PTPRD: variants seen among roughly 807,000 people sequenced by gnomAD.
PTPRD encodes receptor-type tyrosine-protein phosphatase delta.
Under a neutral mutation model 214.5 loss-of-function variants are expected in PTPRD, and 34 were observed. That is an observed-to-expected ratio of 0.16 (90% confidence interval 0.12 to 0.21). PTPRD has a LOEUF of 0.21. PTPRD is among the 10% of genes least tolerant of loss of function. The pLI is 1.00. For synonymous variants in PTPRD, 1,128 were observed against 845.7 expected, an observed-to-expected ratio of 1.33 and a Z score of -5.79; for missense variants, 2,545 against 2,398.7, an observed-to-expected ratio of 1.06 and a Z score of -1.27.
At chr9:9,855,895 C>G (rs1212834514) in intron 5 of PTPRD, among the ~76,000 whole-genome samples, 1 of 152,208 alleles carries the variant, frequency 6.6e-6, no homozygotes, top group Non-Finnish European at 1.5e-5. Context: ...TCTGCCTTTT[C>G]ATGTGAGGCA....
At position 10,519,548 on chromosome 9, in the gene PTPRD, G is replaced by T. The variant is rs553497033; in HGVS notation, c.-600+92850C>A. ...AACTTCTTAGAGCTGAGTATAATGTGTCTTAGCACATAGAGGCATACCTCA... is the reference window on the plus strand; with the variant it reads ...AACTTCTTAGAGCTGAGTATAATGTTTCTTAGCACATAGAGGCATACCTCA... On this transcript the variant is annotated intron_variant, in intron 2 of 45. Transcript: ENST00000381196. 5.3e-5 allele frequency among the ~76,000 whole-genome samples: 8 copies of T among 151,930 alleles called. No individual in the cohort carries two copies. In the South Asian group the frequency reaches 1.7e-3, roughly 31 times the overall value.
chr9:8,604,358 T>C (rs1056360886), intron 14 of PTPRD, among the ~76,000 whole-genome samples: 1 of 152,102 alleles, frequency 6.6e-6, no homozygotes, highest in African/African-American at 2.4e-5. Flanking sequence ...CCAGTAAACA[T>C]TAACTGGATG....
chr9:9,228,380 C>T (rs1266709510), intron 9 of PTPRD, among the ~76,000 whole-genome samples: 1 of 151,934 alleles, frequency 6.6e-6, no homozygotes, highest in Non-Finnish European at 1.5e-5. Context: ...TATTAGATTG[C>T]AAATACACAT....
intron 5 of PTPRD, among the ~76,000 whole-genome samples, chr9:9,775,977 A>AAAAAAAAAC: frequency 1.3e-5 from 2 of 151,162 alleles, no homozygotes; most frequent in African/African-American, 2.4e-5. Context: ...AAAAAAAAAA[A>AAAAAAAAAC]AAGCAAATCC....
At chr9:10,268,598 G>C (rs1422057864) in intron 3 of PTPRD, among the ~76,000 whole-genome samples, 2 of 151,992 alleles carry the variant, frequency 1.3e-5, no homozygotes, top group Non-Finnish European at 2.9e-5. Context: ...TTCATCATAA[G>C]TTTGTATTTC....
chr9:9,037,965 T>C (rs324518), intron 10 of PTPRD, among the ~76,000 whole-genome samples: 148,720 of 152,272 alleles, frequency 0.98, 72,732 homozygotes, highest in Middle Eastern at 1. Flanking sequence ...TTTTTTGAAA[T>C]TTAGTTCATC....
intron 3 of PTPRD, among the ~76,000 whole-genome samples, chr9:10,088,631 G>T (rs75480633): frequency 2.2e-4 from 34 of 151,716 alleles, no homozygotes; most frequent in African/African-American, 7.7e-4. Context: ...TCTGCAATGT[G>T]GGGGCAGTAG....
At position 10,039,087 on chromosome 9, in the gene PTPRD, G is replaced by A. The variant is rs575587500; in HGVS notation, c.-544-5297C>T. Among the ~76,000 whole-genome samples, 13 of 152,150 alleles carry A rather than the reference G, an allele frequency of 8.5e-5. No individual in the cohort carries two copies. The East Asian group carries it at 1.5e-3, about 18-fold the overall frequency. On this transcript the variant is annotated intron_variant, in intron 3 of 45. Coordinates refer to ENST00000381196, the MANE Select transcript of PTPRD (RefSeq NM_002839.4). The stretch of plus-strand genomic sequence containing the variant: ...ATGAAAAAGATGTACAGGCATGTAC[G>A]TAGGTTTGTTGTTCACAAAACTCTT...
chr9:9,322,847 G>C (rs911550470), intron 9 of PTPRD, among the ~76,000 whole-genome samples: 3 of 152,170 alleles, frequency 2.0e-5, no homozygotes, highest in Admixed American at 2.0e-4. Flanking sequence ...GAGTCATTTA[G>C]AAAGTGTGGA....
chr9:8,668,254 T>TA (rs2097208268), intron 12 of PTPRD, among the ~76,000 whole-genome samples: 1 of 152,210 alleles, frequency 6.6e-6, no homozygotes, highest in South Asian at 2.1e-4. Flanking sequence ...TTCTTTGTAG[T>TA]AAAATCTATT....
At chr9:8,320,004 G>A (rs752012227) in intron 44 of PTPRD, 38 bp from the exon 45 acceptor site, 3 of 1,604,664 alleles carry the variant, frequency 1.9e-6, no homozygotes, top group East Asian at 2.2e-5. Context: ...TGGGTGAGAT[G>A]TTCACAGTCT....
At chr9:9,417,492 A>G (rs2077341439) in intron 8 of PTPRD, among the ~76,000 whole-genome samples, 1 of 152,090 alleles carries the variant, frequency 6.6e-6, no homozygotes, top group Non-Finnish European at 1.5e-5. Context: ...TAAGGAGGGG[A>G]CAATTTTGCT....
chr9:10,445,011 G>C lies in PTPRD; in HGVS notation c.-599-103994C>G, dbSNP rs560929387. On this transcript the variant is annotated intron_variant, in intron 2 of 45. Transcript: ENST00000381196. The stretch of plus-strand genomic sequence containing the variant: ...GGGCACATGCTATTGGCCTGGAAGA[G>C]TGAGATGAAGAGTTCAGTTGAGAAT... Among the ~76,000 whole-genome samples the C allele has an allele frequency of 2.0e-5, 3 of 152,120 alleles. No homozygotes were observed. The East Asian group carries it at 5.8e-4, about 29-fold the overall frequency.
chr9:9,023,777 G>T (rs886152623), intron 10 of PTPRD, among the ~76,000 whole-genome samples: 1 of 151,976 alleles, frequency 6.6e-6, no homozygotes, highest in African/African-American at 2.4e-5. Context: ...TCTTGTTCGT[G>T]AGTTAGTCTG....
intron 2 of PTPRD, among the ~76,000 whole-genome samples, chr9:10,348,658 C>T (rs1036050388): frequency 5.3e-5 from 8 of 152,114 alleles, no homozygotes; most frequent in Non-Finnish European, 8.8e-5. Context: ...ACATTTGTTA[C>T]GTTATTTCAT....
chr9:9,401,562 C>A (rs1043855143), intron 8 of PTPRD, among the ~76,000 whole-genome samples: 1 of 151,314 alleles, frequency 6.6e-6, no homozygotes, highest in African/African-American at 2.4e-5. Flanking sequence ...AAATATAGAC[C>A]AGCCTTTCTC....
chr9:10,431,931 C>T (rs550436266), intron 2 of PTPRD, among the ~76,000 whole-genome samples: 2 of 152,168 alleles, frequency 1.3e-5, no homozygotes, highest in African/African-American at 4.8e-5. Flanking sequence ...CCATCCATTA[C>T]TGGGTATATA....
chr9:8,905,738 CAA>C (rs58429749), intron 11 of PTPRD, among the ~76,000 whole-genome samples: 34 of 98,932 alleles, frequency 3.4e-4, no homozygotes, highest in East Asian at 1.4e-3. Context: ...GACTCCCTCG[CAA>C]AAAAAAAAAA....
At chr9:9,655,004 TAG>T (rs139304713) in intron 7 of PTPRD, among the ~76,000 whole-genome samples, 21,117 of 151,718 alleles carry the variant, frequency 0.14, 1,913 homozygotes, top group African/African-American at 0.26. Flanking sequence ...TATATATATA[TAG>T]ATATAGATAT....
Sources: allele counts gnomAD v4.1 joint callset (sites outside exome capture counted in the v4.1 genomes callset), GRCh38; gene constraint gnomAD v4.1.1; transcripts MANE v1.5; gene names NCBI Gene and HGNC (gene_info 2026-07-23, HGNC 2026-07-21).